CLSTN2: variants seen among roughly 807,000 people sequenced by gnomAD.
CLSTN2 encodes calsyntenin-2.
CLSTN2 carries 48 observed loss-of-function variants against 101.2 expected under a neutral mutation model. The observed-to-expected ratio is 0.47, with a 90% CI of 0.38 to 0.60. The LOEUF (loss-of-function observed/expected upper bound fraction) is 0.60, where lower values mean the gene tolerates loss of function less well. CLSTN2 is among the 20% of genes least tolerant of loss of function. The pLI is 0.00. For synonymous variants in CLSTN2, 481 were observed against 463.6 expected (o/e 1.04, Z -0.48); for missense variants, 1,160 against 1,238.2 (o/e 0.94, Z 0.95).
At chr3:140,534,448 G>A (rs542608789) in intron 9 of CLSTN2, among the ~76,000 whole-genome samples, 2 of 152,246 alleles carry the variant, frequency 1.3e-5, no homozygotes, top group South Asian at 2.1e-4. Context: ...AAAATAAAAT[G>A]TGATTTTATA....
intron 1 of CLSTN2, among the ~76,000 whole-genome samples, chr3:140,100,159 T>TG (rs1388194665): frequency 6.6e-6 from 1 of 152,072 alleles, no homozygotes; most frequent in Non-Finnish European, 1.5e-5. Context: ...TTTTTTTTTT[T>TG]TTGAACCATG....
chr3:140,150,099 C>T lies in CLSTN2; in HGVS notation c.110-25852C>T, dbSNP rs538281975. On this transcript the variant is annotated intron_variant, in intron 1 of 16. Coordinates refer to ENST00000458420, the MANE Select transcript of CLSTN2 (RefSeq NM_022131.3). ...ATACATGTTTGTGGCATATTCTACT[C>T]ATGCCCCATATTCACCTGAGAATGC... 1.3e-4 allele frequency among the ~76,000 whole-genome samples: 20 copies of T among 152,298 alleles called. 1 individual carries two copies. The South Asian group carries it at 3.9e-3, about 30-fold the overall frequency.
At position 140,574,075 on chromosome 3, in the gene CLSTN2, A is replaced by C. The variant is rs1985657649; in HGVS notation, c.*7822A>C. The C allele has an allele frequency of 6.6e-6, 1 of 152,252 alleles. No homozygotes were observed. Among genetic ancestry groups the C allele is most frequent in the Non-Finnish European group, 1.5e-5 (1 of 68,058 alleles). The allele number at this position is 152,252 out of a possible 1,614,324, so 9.4% of individuals were successfully genotyped here. On this transcript the variant is annotated 3_prime_UTR_variant, in exon 17 of 17. Coordinates refer to ENST00000458420, the MANE Select transcript of CLSTN2 (RefSeq NM_022131.3). Reference sequence around the variant, plus strand: ...TATTGTGGCACCACGGGAGCCTAGCACTGCACCTGGCCCATGACATGTGTG... The same window carrying C: ...TATTGTGGCACCACGGGAGCCTAGCCCTGCACCTGGCCCATGACATGTGTG...
chr3:140,340,383 A>G (rs528094752), intron 2 of CLSTN2, among the ~76,000 whole-genome samples: 1 of 152,326 alleles, frequency 6.6e-6, no homozygotes, highest in African/African-American at 2.4e-5. Flanking sequence ...GTGTAGAATA[A>G]CCTTTATCTG....
Position 140,490,109 on chromosome 3 carries a change from TATATATATACACACACACACACACACAC to T in CLSTN2, c.1344+23380_1344+23407del, listed in dbSNP as rs1934321691. ...GTGTGTATATATATATATATATATA[TATATATATACACACACACACACACACAC>T]ACACACACACACACACACACACACA... On this transcript the variant is annotated intron_variant, in intron 8 of 16. Coordinates refer to ENST00000458420, the MANE Select transcript of CLSTN2 (RefSeq NM_022131.3). 5.3e-4 allele frequency among the ~76,000 whole-genome samples: 4 copies of T among 7,486 alleles called. 1 individual carries two copies. The highest frequency in any genetic ancestry group is 2.8e-3 in the African/African-American group (4 of 1,426). The allele number at this position is 7,486 out of a possible 152,430, so 4.9% of individuals were successfully genotyped here.
In CLSTN2 at chr3:140,050,770, T is replaced by C. The variant is rs146542180; in HGVS notation, c.109+115287T>C. ...CAGGGCACAGAAGAGAGAAGGGTAG[T>C]GGAGGATGGATATGAAGGGCAAGAT... On this transcript the variant is annotated intron_variant, in intron 1 of 16. Coordinates refer to ENST00000458420, the MANE Select transcript of CLSTN2 (RefSeq NM_022131.3). Among the ~76,000 whole-genome samples, 633 of 152,100 alleles carry C rather than the reference T, an allele frequency of 4.2e-3. 5 individuals are homozygous for C. Among genetic ancestry groups the C allele is most frequent in the African/African-American group, 0.014 (569 of 41,494 alleles).
At chr3:140,323,982 A>G (rs2107925342) in intron 2 of CLSTN2, among the ~76,000 whole-genome samples, 1 of 152,324 alleles carries the variant, frequency 6.6e-6, no homozygotes, top group Non-Finnish European at 1.5e-5. Flanking sequence ...ATCCCTCCTG[A>G]TGTCAATTGA....
chr3:140,158,529 T>C (rs562062627), intron 1 of CLSTN2, among the ~76,000 whole-genome samples: 177 of 152,256 alleles, frequency 1.2e-3, no homozygotes, highest in African/African-American at 3.8e-3. Flanking sequence ...TAAAAAACAC[T>C]GCTGAAAGAA....
intron 1 of CLSTN2, among the ~76,000 whole-genome samples, chr3:140,107,152 A>G (rs2009072958): frequency 6.6e-6 from 1 of 152,202 alleles, no homozygotes; most frequent in Non-Finnish European, 1.5e-5. Context: ...TACAGAGCCC[A>G]CAGGGAGCTT....
At chr3:140,228,321 A>G (rs1346103888) in intron 2 of CLSTN2, among the ~76,000 whole-genome samples, 1 of 152,196 alleles carries the variant, frequency 6.6e-6, no homozygotes, top group Non-Finnish European at 1.5e-5. Flanking sequence ...CTTTGCTAAA[A>G]CATAACAAGA....
At chr3:140,266,453 G>T (rs1040887340) in intron 2 of CLSTN2, among the ~76,000 whole-genome samples, 13 of 152,116 alleles carry the variant, frequency 8.5e-5, no homozygotes, top group Admixed American at 3.9e-4. Flanking sequence ...CAAGTTTAAG[G>T]AATGCCTTGC....
intron 1 of CLSTN2, among the ~76,000 whole-genome samples, chr3:140,155,323 T>C (rs1277056383): frequency 2.6e-5 from 4 of 152,170 alleles, no homozygotes; most frequent in Non-Finnish European, 5.9e-5. Context: ...AAATTATGTA[T>C]GGTGATGTAA....
intron 1 of CLSTN2, among the ~76,000 whole-genome samples, chr3:140,120,921 A>G (rs896580560): frequency 6.6e-6 from 1 of 152,232 alleles, no homozygotes; most frequent in Non-Finnish European, 1.5e-5. Flanking sequence ...GGCCAGGTAC[A>G]CACACATTTT....
chr3:140,043,740 T>C (rs1438926920), intron 1 of CLSTN2, among the ~76,000 whole-genome samples: 3 of 152,214 alleles, frequency 2.0e-5, no homozygotes, highest in Non-Finnish European at 2.9e-5. Context: ...GCTTTCTACA[T>C]ATGGCTAGCC....
chr3:140,300,196 A>C (rs889729108), intron 2 of CLSTN2, among the ~76,000 whole-genome samples: 119 of 152,224 alleles, frequency 7.8e-4, no homozygotes, highest in African/African-American at 2.8e-3. Flanking sequence ...AAGGGATTTT[A>C]TGCATAATAA....
chr3:140,024,249 ATGAGTCTGAGTATGGAGG>A (rs1234367765), intron 1 of CLSTN2, among the ~76,000 whole-genome samples: 3 of 152,134 alleles, frequency 2.0e-5, no homozygotes, highest in Non-Finnish European at 4.4e-5. Flanking sequence ...AAAAGATGTT[ATGAGTCTGAGTATGGAGG>A]TGGCAGTGTT....
chr3:140,505,543 T>G (rs1478173221), intron 8 of CLSTN2: 1 of 152,210 alleles, frequency 6.6e-6, no homozygotes, highest in Non-Finnish European at 1.5e-5. Context: ...TGCTGTTTTT[T>G]TGTATGTGGA....
intron 1 of CLSTN2, among the ~76,000 whole-genome samples, chr3:140,171,631 TTATATATTA>T (rs1464126314): frequency 4.9e-5 from 6 of 123,394 alleles, no homozygotes; most frequent in Non-Finnish European, 9.6e-5. Flanking sequence ...ATAATATGTA[TTATATATTA>T]TATATAATAC....
intron 8 of CLSTN2, among the ~76,000 whole-genome samples, chr3:140,480,514 A>G (rs1432236598): frequency 6.6e-6 from 1 of 152,206 alleles, no homozygotes; most frequent in African/African-American, 2.4e-5. Context: ...TCCCTGAGGA[A>G]TCGCCAACTG....
Sources: allele counts gnomAD v4.1 joint callset (sites outside exome capture counted in the v4.1 genomes callset), GRCh38; gene constraint gnomAD v4.1.1; transcripts MANE v1.5; gene names NCBI Gene and HGNC (gene_info 2026-07-23, HGNC 2026-07-21).